Variants in ASIC2 observed in about 807,000 individuals in gnomAD.
ASIC2 encodes acid-sensing ion channel 2.
Under a neutral mutation model 57.3 loss-of-function variants are expected in ASIC2, and 25 were observed. The observed-to-expected ratio is 0.44, with a 90% CI of 0.32 to 0.61. The LOEUF (loss-of-function observed/expected upper bound fraction) is 0.61, where lower values mean the gene tolerates loss of function less well. ASIC2 is among the 20% of genes least tolerant of loss of function. The pLI, the probability that ASIC2 is intolerant of heterozygous loss-of-function variation, is 0.06. For synonymous variants in ASIC2, 319 were observed against 307.5 expected, an observed-to-expected ratio of 1.04 and a Z score of -0.39; for missense variants, 641 against 738.1, an observed-to-expected ratio of 0.87 and a Z score of 1.52.
chr17:33,371,890 T>A (rs1267330089), intron 1 of ASIC2, among the ~76,000 whole-genome samples: 1 of 152,128 alleles, frequency 6.6e-6, no homozygotes, highest in Non-Finnish European at 1.5e-5. Flanking sequence ...TAAAGCCATG[T>A]ATGAATTTGT....
Position 33,932,725 on chromosome 17 carries a change from A to T in ASIC2, c.555+223253T>A, listed in dbSNP as rs1392130437. ...CGAAACTTTGTTTCAAAAAAAAAAA[A>T]AAAAAAAAAAAAAAAAATATATATA... On this transcript the variant is annotated intron_variant, in intron 1 of 9. Transcript: ENST00000359872. 837 of 113,638 alleles carry T rather than the reference A, an allele frequency of 7.4e-3. 17 individuals carry two copies. Among genetic ancestry groups the T allele is most frequent in the Middle Eastern group, 0.013 (3 of 236 alleles). 7.0% of individuals were successfully genotyped at this position (113,638 alleles called of 1,614,324 possible).
chr17:33,774,210 G>A (rs998664921), intron 1 of ASIC2, among the ~76,000 whole-genome samples: 3 of 152,130 alleles, frequency 2.0e-5, no homozygotes, highest in Non-Finnish European at 4.4e-5. Context: ...TGTTATTTCA[G>A]AATCGCTTTT....
chr17:33,398,509 A>G (rs1048997440), intron 1 of ASIC2, among the ~76,000 whole-genome samples: 3 of 152,126 alleles, frequency 2.0e-5, no homozygotes, highest in African/African-American at 7.2e-5. Context: ...AAAGGTGATT[A>G]TGTGGTGATG....
chr17:33,026,599 T>A (rs1399025399), intron 4 of ASIC2, among the ~76,000 whole-genome samples: 1 of 152,200 alleles, frequency 6.6e-6, no homozygotes, highest in African/African-American at 2.4e-5. Flanking sequence ...TCCACATTAG[T>A]AACTGAGATG....
intron 1 of ASIC2, among the ~76,000 whole-genome samples, chr17:33,155,829 A>G (rs192600757): frequency 2.8e-4 from 43 of 152,204 alleles, no homozygotes; most frequent in African/African-American, 1.0e-3. Context: ...GGTGTGAGCC[A>G]CTGCACCCGG....
chr17:33,806,187 C>T (rs1201651062), intron 1 of ASIC2, among the ~76,000 whole-genome samples: 2 of 152,182 alleles, frequency 1.3e-5, no homozygotes, highest in African/African-American at 2.4e-5. Context: ...GCAATGATTT[C>T]AGGCTCTGCC....
intron 1 of ASIC2, among the ~76,000 whole-genome samples, chr17:33,690,850 C>A (rs551860332): frequency 6.7e-6 from 1 of 148,262 alleles, no homozygotes; most frequent in Non-Finnish European, 1.5e-5. Flanking sequence ...CCCAGATTCA[C>A]GCCATTCTCC....
intron 1 of ASIC2, among the ~76,000 whole-genome samples, chr17:33,780,663 C>G (rs1911422206): frequency 6.6e-6 from 1 of 152,178 alleles, no homozygotes; most frequent in South Asian, 2.1e-4. Context: ...CAGTTGCAAA[C>G]TCTCAGGAAT....
chr17:33,770,095 A>T (rs889470221), intron 1 of ASIC2, among the ~76,000 whole-genome samples: 3 of 152,010 alleles, frequency 2.0e-5, no homozygotes, highest in Admixed American at 6.5e-5. Context: ...ATTTGCTAGG[A>T]CTCTTTAAAT....
At chr17:33,535,475 A>G (rs1567642489) in intron 1 of ASIC2, among the ~76,000 whole-genome samples, 1 of 151,646 alleles carries the variant, frequency 6.6e-6, no homozygotes, top group South Asian at 2.1e-4. Context: ...GACGGGTTTC[A>G]TCGTGTTAGC....
rs2091792853 is a variant in ASIC2, at chr17:33,013,996, G to A, written c.1661C>T (p.Thr554Ile). 2 of 1,602,058 alleles carry A rather than the reference G, an allele frequency of 1.2e-6. No homozygotes were observed. The highest frequency in any genetic ancestry group is 1.3e-5 in the African/African-American group (1 of 74,670). ...GGCAATCTCCTCCAAGGTCCCCAGG[G>A]TCGTCTGCAGGGGCACGTTCACAGT... Reference protein sequence around the residue: ...SHTVNVPLQTTLGTLEEIAC With the variant: ...SHTVNVPLQTILGTLEEIAC Residue 554 changes from threonine (T) to isoleucine (I), a missense_variant, in exon 10 of 10, where the codon ACC (threonine) becomes ATC (isoleucine). Thr to Ile is a moderately conservative substitution (Grantham distance 89). Transcript: ENST00000225823.
intron 1 of ASIC2, among the ~76,000 whole-genome samples, chr17:33,706,374 C>G (rs574300447): frequency 1.3e-5 from 2 of 151,816 alleles, no homozygotes; most frequent in Non-Finnish European, 2.9e-5. Flanking sequence ...TATGTGCCAC[C>G]ATGAATGGCT....
intron 1 of ASIC2, among the ~76,000 whole-genome samples, chr17:33,757,892 G>A (rs1910659380): frequency 6.6e-6 from 1 of 152,198 alleles, no homozygotes; most frequent in Non-Finnish European, 1.5e-5. Context: ...CAACCTCAGA[G>A]GCCGACAGTG....
chr17:33,969,100 G>GTT (rs1417544940), intron 1 of ASIC2, among the ~76,000 whole-genome samples: 87 of 152,252 alleles, frequency 5.7e-4, no homozygotes, highest in African/African-American at 2.0e-3. Flanking sequence ...GTCTGTATTT[G>GTT]CATAAGACTC....
At chr17:33,669,533 T>G (rs1268313744) in intron 1 of ASIC2, among the ~76,000 whole-genome samples, 2 of 152,220 alleles carry the variant, frequency 1.3e-5, no homozygotes, top group Non-Finnish European at 2.9e-5. Context: ...GCATGTTTAC[T>G]GTTCATCACA....
At chr17:33,713,441 G>T (rs974094862) in intron 1 of ASIC2, among the ~76,000 whole-genome samples, 2 of 152,186 alleles carry the variant, frequency 1.3e-5, no homozygotes, top group Non-Finnish European at 2.9e-5. Flanking sequence ...AGCTGCACAA[G>T]TTCAATCTCT....
At chr17:33,715,891 G>A (rs1006399932) in intron 1 of ASIC2, among the ~76,000 whole-genome samples, 1 of 152,114 alleles carries the variant, frequency 6.6e-6, no homozygotes. Flanking sequence ...AGAAAGTGGC[G>A]TGGAGGGCCT....
At chr17:33,181,440 T>C (rs1219869600) in intron 1 of ASIC2, among the ~76,000 whole-genome samples, 2 of 152,166 alleles carry the variant, frequency 1.3e-5, no homozygotes, top group Non-Finnish European at 2.9e-5. Flanking sequence ...AGAAGTTTAT[T>C]CTGTCACAGT....
intron 1 of ASIC2, among the ~76,000 whole-genome samples, chr17:33,800,278 CT>C (rs1257260715): frequency 1.3e-5 from 2 of 152,170 alleles, no homozygotes; most frequent in Non-Finnish European, 1.5e-5. Context: ...TGCACACCCC[CT>C]TTTGCACAGG....
Sources: gnomAD v4.1 joint callset for allele counts (sites outside exome capture counted in the v4.1 genomes callset) on GRCh38, gnomAD v4.1.1 for gene constraint, MANE v1.5 for transcripts, NCBI Gene and HGNC (gene_info 2026-07-23, HGNC 2026-07-21) for gene names.